DNAH8: variants seen among roughly 807,000 people sequenced by gnomAD.
DNAH8 encodes the protein axonemal beta dynein heavy chain 8.
DNAH8 carries 382 observed loss-of-function variants against 562.1 expected under a neutral mutation model. That is an observed-to-expected ratio of 0.68 (90% CI 0.63 to 0.74). The LOEUF (loss-of-function observed/expected upper bound fraction) is 0.74, where lower values mean the gene tolerates loss of function less well. DNAH8 is among the 30% of genes least tolerant of loss of function. The probability of loss-of-function intolerance (pLI) is 0.00; values close to 1 mark genes in which losing one functional copy is unlikely to be tolerated. For missense variants in DNAH8, 5,203 were observed against 5,620.4 expected (o/e 0.93, Z 2.37); for synonymous variants, 1,881 against 1,919.4 (o/e 0.98, Z 0.52).
chr6:38,780,361 A>G (rs988948194), intron 15 of DNAH8, among the ~76,000 whole-genome samples: 1 of 152,224 alleles, frequency 6.6e-6, no homozygotes, highest in African/African-American at 2.4e-5. Context: ...AGGAATACAA[A>G]TCATTCTGTC....
rs530557032 is a variant in DNAH8 at position 38,920,916 on chromosome 6, G to T, written c.10525-453G>T. 2.0e-5 allele frequency among the ~76,000 whole-genome samples: 3 copies of T among 151,868 alleles called. No homozygotes were observed. The South Asian group carries it at 6.2e-4, about 32-fold the overall frequency. On this transcript the variant is annotated intron_variant, in intron 70 of 92. Transcript: ENST00000327475. ...AATTAAAAAAATTTTTTTGAGACAG[G>T]GTCTCACTCTGTCGCCCAGGCTGGA...
chr6:38,801,066 C>T (rs1000786317), intron 21 of DNAH8, among the ~76,000 whole-genome samples: 3 of 151,894 alleles, frequency 2.0e-5, no homozygotes, highest in African/African-American at 7.3e-5. Flanking sequence ...TCTAATTTAT[C>T]AATTTTTTTC....
intron 1 of DNAH8, among the ~76,000 whole-genome samples, chr6:38,718,136 T>C (rs1317594826): frequency 1.3e-5 from 2 of 152,116 alleles, no homozygotes; most frequent in African/African-American, 4.8e-5. Flanking sequence ...TAGTGGGCCC[T>C]TCATTAAGGG....
At position 38,850,328 on chromosome 6, in the gene DNAH8, T is replaced by A; in HGVS notation, c.5277T>A (p.Ile1759=). 1 of 1,613,708 alleles carries A rather than the reference T, an allele frequency of 6.2e-7. No homozygotes were observed. Among genetic ancestry groups the A allele is most frequent in the Non-Finnish European group, 8.5e-7 (1 of 1,179,648 alleles). ...MQRAHENPNV[I]NCCVGDETMG... is the part of the protein sequence containing the mutation. ...GAGCTCATGAGAATCCCAATGTGAT[T>A]AATTGCTGTGTTGGAGATGAAACCA... Residue 1759 remains isoleucine, a synonymous_variant, in exon 38 of 93, where the codon ATT becomes ATA. Transcript: ENST00000327475.
intron 80 of DNAH8, 123 bp from the exon 81 acceptor site, chr6:38,949,329 G>A (rs1761696904): frequency 2.8e-6 from 2 of 711,314 alleles, no homozygotes; most frequent in Admixed American, 2.1e-5. Flanking sequence ...TTTAAACTGT[G>A]CTGTTATGCT....
chr6:38,966,634 G>C (rs564222257), intron 82 of DNAH8, among the ~76,000 whole-genome samples: 25 of 152,242 alleles, frequency 1.6e-4, no homozygotes, highest in African/African-American at 5.5e-4. Context: ...TATACACTAT[G>C]ACCAAGTGAA....
rs563013768 is a variant in DNAH8, at chr6:38,805,922, T to C, written c.3150+326T>C. Among the ~76,000 whole-genome samples, 413 of 152,318 alleles carry C rather than the reference T, an allele frequency of 2.7e-3. 4 individuals are homozygous for C. Among genetic ancestry groups the C allele is most frequent in the Non-Finnish European group, 4.1e-3 (278 of 68,028 alleles). The stretch of plus-strand genomic sequence containing the variant: ...TTTGACTCAGAATGGAGAACTTTGT[T>C]CTCAGTTGTTGTGTTTAATGGTTAT... On this transcript the variant is annotated intron_variant, in intron 23 of 92. Coordinates refer to ENST00000327475, the MANE Select transcript of DNAH8 (RefSeq NM_001206927.2).
chr6:38,772,971 C>CTTTTTTTTTTTTTTTTTTTTTTTT lies in DNAH8; in HGVS notation c.1764+2416_1764+2439dup, dbSNP rs58784448. Among the ~76,000 whole-genome samples, 20 of 88,086 alleles carry CTTTTTTTTTTTTTTTTTTTTTTTT rather than the reference C, an allele frequency of 2.3e-4. 1 individual carries two copies. Among genetic ancestry groups the CTTTTTTTTTTTTTTTTTTTTTTTT allele is most frequent in the African/African-American group, 3.1e-4 (6 of 19,440 alleles). The allele number at this position is 88,086 out of a possible 152,430, so 57.8% of individuals were successfully genotyped here. A position where few individuals can be genotyped will look rare whatever the true frequency, so the allele number is the denominator to read the frequency against. The stretch of plus-strand genomic sequence containing the variant: ...ATACCACCATGCCTAGCTAATTAAA[C>CTTTTTTTTTTTTTTTTTTTTTTTT]TTTTTTTTTTTTTTTTTTTTTTTTT... On this transcript the variant is annotated intron_variant, in intron 12 of 92. Transcript: ENST00000327475.
At position 38,899,836 on chromosome 6, in the gene DNAH8, G is replaced by A. The variant is rs201923604; in HGVS notation, c.9124G>A (p.Gly3042Arg). The A allele has an allele frequency of 5.8e-5, 94 of 1,611,126 alleles. No individual in the cohort carries two copies. The East Asian group carries it at 1.9e-3, about 33-fold the overall frequency. ...ATTGCTGGTGGGTGTTGGTGGTTCC[G>A]GAAAACAAAGTCTTTCAAGATTGGC... is the stretch of plus-strand genomic sequence containing the variant. ...NALLVGVGGS[G>R]KQSLSRLASF... Residue 3042 changes from glycine (G) to arginine (R), a missense_variant, in exon 62 of 93, where the codon GGA becomes AGA. Transcript: ENST00000327475.
At chr6:38,879,038 GAAATAGATATCCT>G (rs1285873891) in intron 53 of DNAH8, among the ~76,000 whole-genome samples, 1 of 151,798 alleles carries the variant, frequency 6.6e-6, no homozygotes, top group Non-Finnish European at 1.5e-5. Flanking sequence ...TTAAAAAGAA[GAAATAGATATCCT>G]AAATAGCCCT....
intron 91 of DNAH8, among the ~76,000 whole-genome samples, chr6:39,016,524 C>T (rs1408636309): frequency 6.7e-6 from 1 of 148,782 alleles, no homozygotes; most frequent in Non-Finnish European, 1.5e-5. Context: ...GCATTCCAGC[C>T]TGGGCAACAG....
chr6:38,787,695 C>CAAAAAA (rs67293877), intron 18 of DNAH8, among the ~76,000 whole-genome samples: 2 of 79,604 alleles, frequency 2.5e-5, no homozygotes, highest in Non-Finnish European at 4.7e-5. Context: ...GACTCCATCT[C>CAAAAAA]AAAAAAAAAA....
chr6:38,735,259 G>A (rs982989135), intron 5 of DNAH8, among the ~76,000 whole-genome samples: 2 of 152,150 alleles, frequency 1.3e-5, no homozygotes, highest in African/African-American at 4.8e-5. Flanking sequence ...ACAAATATTA[G>A]TTCTCTTTGT....
intron 48 of DNAH8, 44 bp downstream of exon 48, chr6:38,868,240 T>A: frequency 6.4e-7 from 1 of 1,561,054 alleles, no homozygotes; most frequent in Non-Finnish European, 8.7e-7. Context: ...TTTAATATTG[T>A]TTCTTTCTAT....
intron 82 of DNAH8, among the ~76,000 whole-genome samples, chr6:38,960,084 C>A (rs780568962): frequency 2.6e-5 from 4 of 151,930 alleles, no homozygotes; most frequent in Non-Finnish European, 5.9e-5. Context: ...TGAAACTAGA[C>A]CCTATCTCTC....
chr6:38,884,369 T>G (rs1778755714), intron 56 of DNAH8, among the ~76,000 whole-genome samples: 2 of 152,192 alleles, frequency 1.3e-5, no homozygotes. Context: ...CTCAGCTCAC[T>G]GCAAGCTCCA....
chr6:38,781,027 A>T (rs2127639247), intron 15 of DNAH8, among the ~76,000 whole-genome samples: 1 of 152,298 alleles, frequency 6.6e-6, no homozygotes, highest in Non-Finnish European at 1.5e-5. Flanking sequence ...CAGAAAAAAA[A>T]TACATGTAAT....
At chr6:38,734,331 C>CCA in intron 4 of DNAH8, 143 bp from the exon 5 acceptor site, 2 of 769,708 alleles carry the variant, frequency 2.6e-6, no homozygotes, top group South Asian at 2.0e-5. Flanking sequence ...AGTAGACCCC[C>CCA]CCCCAAAAAA....
intron 21 of DNAH8, among the ~76,000 whole-genome samples, chr6:38,792,864 G>C (rs965454905): frequency 2.0e-5 from 3 of 151,966 alleles, no homozygotes; most frequent in African/African-American, 7.3e-5. Flanking sequence ...CTGGAGCCTT[G>C]ACCTCCTGGG....
Sources: allele counts gnomAD v4.1 joint callset (sites outside exome capture counted in the v4.1 genomes callset), GRCh38; gene constraint gnomAD v4.1.1; transcripts MANE v1.5; gene names NCBI Gene and HGNC (gene_info 2026-07-23, HGNC 2026-07-21).